The following FBXO33 variants were observed in gnomAD, a reference collection of about 807,000 sequenced individuals.
The protein encoded by FBXO33 is F-box protein 33.
Under a neutral mutation model 46.3 loss-of-function variants are expected in FBXO33, and 22 were observed. The observed-to-expected ratio is 0.48, with a 90% CI of 0.34 to 0.68. FBXO33 has a LOEUF of 0.68. FBXO33 is among the 30% of genes least tolerant of loss of function. The pLI is 0.01. For missense variants in FBXO33, 692 were observed against 708.8 expected, an observed-to-expected ratio of 0.98 and a Z score of 0.27; for synonymous variants, 337 against 291.3, an observed-to-expected ratio of 1.16 and a Z score of -1.60.
chr14:39,422,933 C>A (rs1260172190), intron 1 of FBXO33, among the ~76,000 whole-genome samples: 5 of 152,092 alleles, frequency 3.3e-5, no homozygotes, highest in Non-Finnish European at 7.4e-5. Context: ...ACCAGTCTGG[C>A]CAACATAGTG....
chr14:39,429,695 C>T (rs1267440511), intron 1 of FBXO33, among the ~76,000 whole-genome samples: 2 of 152,120 alleles, frequency 1.3e-5, no homozygotes, highest in African/African-American at 2.4e-5. Flanking sequence ...ACATACAACA[C>T]CATGCTAATA....
chr14:39,402,751 C>A (rs1049066405), intron 1 of FBXO33, among the ~76,000 whole-genome samples: 1 of 149,212 alleles, frequency 6.7e-6, no homozygotes, highest in Non-Finnish European at 1.5e-5. Flanking sequence ...AGCGCGATCC[C>A]GGTTCACTGC....
chr14:39,416,408 T>TCA (rs2075449025), intron 1 of FBXO33, among the ~76,000 whole-genome samples: 1 of 152,226 alleles, frequency 6.6e-6, no homozygotes, highest in South Asian at 2.1e-4. Context: ...TCCATTTCCC[T>TCA]CACCAGATTT....
intron 1 of FBXO33, among the ~76,000 whole-genome samples, chr14:39,420,503 C>T (rs1051424235): frequency 4.6e-5 from 7 of 152,048 alleles, no homozygotes; most frequent in African/African-American, 7.2e-5. Flanking sequence ...CTGGCTAACA[C>T]GGTGAAACCC....
chr14:39,406,222 T>A (rs1245715554), intron 1 of FBXO33, among the ~76,000 whole-genome samples: 2 of 152,088 alleles, frequency 1.3e-5, no homozygotes, highest in African/African-American at 4.8e-5. Context: ...ATATTTGGCT[T>A]TGGAGAATAT....
intron 1 of FBXO33, among the ~76,000 whole-genome samples, chr14:39,405,389 G>T (rs1265022047): frequency 1.3e-5 from 2 of 152,058 alleles, no homozygotes; most frequent in African/African-American, 2.4e-5. Context: ...GGGGTGAGGG[G>T]ACAGTAGGCA....
chr14:39,419,415 T>C (rs1342306325), intron 1 of FBXO33, among the ~76,000 whole-genome samples: 7 of 152,216 alleles, frequency 4.6e-5, no homozygotes, highest in South Asian at 4.1e-4. Context: ...AATTAGATTA[T>C]AGACCACATG....
At chr14:39,403,179 C>A (rs923336607) in intron 1 of FBXO33, among the ~76,000 whole-genome samples, 8 of 152,144 alleles carry the variant, frequency 5.3e-5, no homozygotes, top group Non-Finnish European at 8.8e-5. Context: ...GTTAAATGCT[C>A]CAGGGTAAGT....
At chr14:39,405,145 AAG>A (rs1447159870) in intron 1 of FBXO33, among the ~76,000 whole-genome samples, 1 of 151,782 alleles carries the variant, frequency 6.6e-6, no homozygotes, top group Non-Finnish European at 1.5e-5. Flanking sequence ...AAAAAAAAAA[AAG>A]GAATAAAATG....
chr14:39,431,713 G>A lies in FBXO33; in HGVS notation c.450C>T (p.Ser150=), dbSNP rs924727588. 1.2e-6 allele frequency: 2 copies of A among 1,613,246 alleles called. No individual in the cohort carries two copies. The highest frequency in any genetic ancestry group is 8.5e-7 in the Non-Finnish European group (1 of 1,179,994). Residue 150 remains serine, a synonymous_variant, in exon 1 of 4, where the codon AGC becomes AGT. Coordinates refer to ENST00000298097, the MANE Select transcript of FBXO33 (RefSeq NM_203301.4). ...CACCTCCGTCCCCTGGGCCACCGCC[G>A]CTCAGATAGTTCTCGGCGGCGAATT... ...RVEFAAENYL[S]GGGPGDGGGA...
intron 1 of FBXO33, among the ~76,000 whole-genome samples, chr14:39,407,133 A>G (rs1014412806): frequency 6.6e-6 from 1 of 152,248 alleles, no homozygotes; most frequent in South Asian, 2.1e-4. Flanking sequence ...CTAGCAATGA[A>G]CATTTGGAAA....
intron 1 of FBXO33, among the ~76,000 whole-genome samples, chr14:39,429,066 A>G (rs1354957942): frequency 6.6e-6 from 1 of 152,238 alleles, no homozygotes; most frequent in East Asian, 1.9e-4. Flanking sequence ...ATGAGAATAC[A>G]TGTATATATA....
chr14:39,401,186 C>T lies in FBXO33; in HGVS notation c.1386G>A (p.Leu462=). 3 of 1,581,076 alleles carry T rather than the reference C, an allele frequency of 1.9e-6. No individual in the cohort carries two copies. Among genetic ancestry groups the T allele is most frequent in the Non-Finnish European group, 1.7e-6 (2 of 1,166,980 alleles). ...LAWRCTKLSL[L]AIHGYTVWAH... Reference sequence around the variant, plus strand: ...AACAAGATCACCTACCATGAATTGCCAGAAGAGAGAGCTTTGTGCACCTCC... The same window carrying T: ...AACAAGATCACCTACCATGAATTGCTAGAAGAGAGAGCTTTGTGCACCTCC... Residue 462 remains leucine, a synonymous_variant, in exon 3 of 4, where the codon CTG becomes CTA. Transcript: ENST00000298097.
At chr14:39,404,389 C>T (rs913268653) in intron 1 of FBXO33, among the ~76,000 whole-genome samples, 3 of 152,168 alleles carry the variant, frequency 2.0e-5, no homozygotes, top group African/African-American at 7.2e-5. Context: ...TGCAGTGGCA[C>T]GATCTCGGTT....
At chr14:39,424,331 T>C (rs12590172) in intron 1 of FBXO33, among the ~76,000 whole-genome samples, 40,300 of 152,000 alleles carry the variant, frequency 0.27, 5,572 homozygotes, top group East Asian at 0.51. Flanking sequence ...GTAGCATATA[T>C]TACCAACTGA....
intron 1 of FBXO33, among the ~76,000 whole-genome samples, chr14:39,431,035 C>T (rs2075543824): frequency 6.6e-6 from 1 of 152,170 alleles, no homozygotes; most frequent in Admixed American, 6.5e-5. Context: ...AAACACTCCT[C>T]CTCCTCTTCG....
At chr14:39,403,080 G>A (rs1004360655) in intron 1 of FBXO33, among the ~76,000 whole-genome samples, 1 of 152,088 alleles carries the variant, frequency 6.6e-6, no homozygotes, top group Admixed American at 6.6e-5. Context: ...ATGACACAAT[G>A]ATATATGACA....
At chr14:39,411,526 C>A (rs949196671) in intron 1 of FBXO33, among the ~76,000 whole-genome samples, 4 of 150,774 alleles carry the variant, frequency 2.7e-5, no homozygotes, top group Non-Finnish European at 3.0e-5. Flanking sequence ...ACTTCCCCCC[C>A]CTTTTTTTTT....
intron 1 of FBXO33, 99 bp from the exon 2 acceptor site, chr14:39,402,610 G>A (rs1027163918): frequency 2.8e-5 from 13 of 464,878 alleles, no homozygotes; most frequent in African/African-American, 1.8e-4. Context: ...TTCTAGGAAG[G>A]TTTCTATTTT....
Sources: allele counts gnomAD v4.1 joint callset (sites outside exome capture counted in the v4.1 genomes callset), GRCh38; gene constraint gnomAD v4.1.1; transcripts MANE v1.5; gene names NCBI Gene and HGNC (gene_info 2026-07-23, HGNC 2026-07-21).